Variants in ZSCAN25 observed in about 807,000 individuals in gnomAD.
The protein encoded by ZSCAN25 is zinc finger and SCAN domain-containing protein 25.
ZSCAN25 carries 27 observed loss-of-function variants against 38.7 expected under a neutral mutation model. The ratio of observed to expected loss-of-function variants is 0.70; its 90% CI spans 0.51 to 0.96. The LOEUF (loss-of-function observed/expected upper bound fraction) is 0.96. Among genes scored for constraint, ZSCAN25 ranks in the 40% least tolerant of loss-of-function variants. The pLI is 0.00. For missense variants in ZSCAN25, 637 were observed against 705.9 expected, an observed-to-expected ratio of 0.90 and a Z score of 1.11; for synonymous variants, 273 against 277.7, an observed-to-expected ratio of 0.98 and a Z score of 0.17.
chr7:99,667,649 CTT>C, the ZSCAN25 span, among the ~76,000 whole-genome samples: 1 of 152,160 alleles, frequency 6.6e-6, no homozygotes, highest in Admixed American at 6.5e-5. Flanking sequence ...GGGATAATTA[CTT>C]TTCCCAACTT....
the ZSCAN25 span, chr7:99,707,908 T>C: frequency 6.2e-7 from 1 of 1,614,068 alleles, no homozygotes; most frequent in Non-Finnish European, 8.5e-7. Flanking sequence ...CAATGCAGTT[T>C]CTGGGTCCAC....
the ZSCAN25 span, chr7:99,667,100 G>A: frequency 4.4e-6 from 7 of 1,577,802 alleles, no homozygotes; most frequent in South Asian, 7.9e-5. Flanking sequence ...TCTCACATTA[G>A]TTGTGGTGAT....
the ZSCAN25 span, among the ~76,000 whole-genome samples, chr7:99,642,579 A>G: frequency 2.0e-5 from 3 of 152,118 alleles, no homozygotes; most frequent in Non-Finnish European, 2.9e-5. Flanking sequence ...AATGCATGCT[A>G]TTGTTTTTAG....
intron 7 of ZSCAN25, among the ~76,000 whole-genome samples, chr7:99,625,996 C>G (rs1402286451): frequency 6.6e-6 from 1 of 152,236 alleles, no homozygotes; most frequent in African/African-American, 2.4e-5. Context: ...GCCTGAGCTG[C>G]TTCACCTGTA....
At chr7:99,713,472 T>C in the ZSCAN25 span, 1 of 1,613,434 alleles carries the variant, frequency 6.2e-7, no homozygotes, top group Non-Finnish European at 8.5e-7. Flanking sequence ...TTGTTACCTT[T>C]GTGGGTCTCA....
the ZSCAN25 span, among the ~76,000 whole-genome samples, chr7:99,698,735 A>G: frequency 6.6e-6 from 1 of 152,190 alleles, no homozygotes; most frequent in Non-Finnish European, 1.5e-5. Flanking sequence ...TGTCACAAAT[A>G]CTGAACTAAC....
At chr7:99,672,360 C>T in the ZSCAN25 span, among the ~76,000 whole-genome samples, 2 of 151,972 alleles carry the variant, frequency 1.3e-5, no homozygotes, top group Non-Finnish European at 2.9e-5. Flanking sequence ...TGTAGTTTGC[C>T]ATTTTAACTT....
chr7:99,628,507 T>C (rs1807692618), intron 7 of ZSCAN25, among the ~76,000 whole-genome samples: 1 of 152,264 alleles, frequency 6.6e-6, no homozygotes, highest in Non-Finnish European at 1.5e-5. Context: ...AAGCTGAGCA[T>C]TTCAGCAGCG....
chr7:99,697,019 A>G, the ZSCAN25 span, among the ~76,000 whole-genome samples: 1 of 152,178 alleles, frequency 6.6e-6, no homozygotes, highest in African/African-American at 2.4e-5. Flanking sequence ...AGAAGTCGCT[A>G]TGCTTCCTGT....
the ZSCAN25 span, among the ~76,000 whole-genome samples, chr7:99,732,087 G>T: frequency 6.6e-6 from 1 of 152,138 alleles, no homozygotes; most frequent in Non-Finnish European, 1.5e-5. Flanking sequence ...AGTGGGGCCT[G>T]ATAGATGGTG....
the ZSCAN25 span, among the ~76,000 whole-genome samples, chr7:99,732,282 T>TAAC: frequency 2.0e-5 from 3 of 152,198 alleles, no homozygotes; most frequent in Non-Finnish European, 2.9e-5. Flanking sequence ...GCCATGATTG[T>TAAC]AAATTTCCTG....
At chr7:99,626,781 G>A (rs1421923790) in intron 7 of ZSCAN25, among the ~76,000 whole-genome samples, 1 of 152,200 alleles carries the variant, frequency 6.6e-6, no homozygotes, top group Non-Finnish European at 1.5e-5. Context: ...CCTGCTCCAT[G>A]TGTGCAGTAA....
the ZSCAN25 span, among the ~76,000 whole-genome samples, chr7:99,667,274 C>T: frequency 3.3e-5 from 5 of 152,318 alleles, no homozygotes; most frequent in African/African-American, 9.6e-5. Flanking sequence ...TGGGGAGACC[C>T]AGCCATCTGG....
At position 99,629,263 on chromosome 7, in the gene ZSCAN25, C is replaced by T. The variant is rs1314697023; in HGVS notation, c.878C>T (p.Ser293Leu). 2 of 1,614,128 alleles carry T rather than the reference C, an allele frequency of 1.2e-6. No homozygotes were observed. The highest frequency in any genetic ancestry group is 4.5e-5 in the East Asian group (2 of 44,866). Residue 293 changes from serine (S) to leucine (L), a missense_variant, in exon 8 of 8, where the codon TCA becomes TTA. By Grantham distance (145) the Ser-to-Leu change is moderately radical. Transcript: ENST00000394152. This position sits in a 1 kb window ranked among gnomAD's most constrained non-coding sequence, Gnocchi z 5.6. ...AAAGGGGCGCTGGTGGCACTGACAT[C>T]AGAGAGGTTTGGGGAAGCCTCTCTC... is the stretch of plus-strand genomic sequence containing the variant. ...DLKGALVALTSERFGEASLQG... is the reference protein window; with the variant it reads ...DLKGALVALTLERFGEASLQG...
At chr7:99,701,070 C>T in the ZSCAN25 span, among the ~76,000 whole-genome samples, 1 of 152,182 alleles carries the variant, frequency 6.6e-6, no homozygotes, top group Non-Finnish European at 1.5e-5. Flanking sequence ...CCTATTCATT[C>T]CTGTATTAAA....
the ZSCAN25 span, chr7:99,714,711 G>A: frequency 4.4e-6 from 7 of 1,604,324 alleles, no homozygotes; most frequent in Admixed American, 3.4e-5. Flanking sequence ...AACAGAAAAC[G>A]AAACCATTGT....
chr7:99,731,820 A>T, the ZSCAN25 span, among the ~76,000 whole-genome samples: 1 of 151,992 alleles, frequency 6.6e-6, no homozygotes. Context: ...TAGAAGTGCG[A>T]GCACCTTTTA....
the ZSCAN25 span, among the ~76,000 whole-genome samples, chr7:99,709,774 A>ATGTG: frequency 0.74 from 111,445 of 150,168 alleles, 44,115 homozygotes; most frequent in Non-Finnish European, 0.89. Context: ...TATTATATAT[A>ATGTG]TGTGTGTGTG....
At chr7:99,647,973 G>T in the ZSCAN25 span, 6 of 985,274 alleles carry the variant, frequency 6.1e-6, no homozygotes, top group Non-Finnish European at 7.2e-6. Context: ...AAAAGTTATG[G>T]ATCAAATTGT....
Sources: allele counts gnomAD v4.1 joint callset (sites outside exome capture counted in the v4.1 genomes callset), GRCh38; gene constraint gnomAD v4.1.1; non-coding constraint Gnocchi (gnomAD v3.1); transcripts MANE v1.5; gene names NCBI Gene and HGNC (gene_info 2026-07-23, HGNC 2026-07-21).